The following ROCK2 variants were observed in gnomAD, a reference collection of about 807,000 sequenced individuals.
The protein encoded by ROCK2 is rho-associated protein kinase 2.
A neutral mutation model predicts 195.1 loss-of-function variants in ROCK2; 61 were observed. That is an observed-to-expected ratio of 0.31 (90% CI 0.25 to 0.39). ROCK2 has a LOEUF of 0.39. Ranked by LOEUF, ROCK2 falls within the 10% of genes least tolerant of loss-of-function variation. The probability of loss-of-function intolerance (pLI) is 1.00; values close to 1 mark genes in which losing one functional copy is unlikely to be tolerated. For synonymous variants in ROCK2, 504 were observed against 545.5 expected, an observed-to-expected ratio of 0.92 and a Z score of 1.06; for missense variants, 1,109 against 1,637.4, an observed-to-expected ratio of 0.68 and a Z score of 5.57.
In ROCK2 at chr2:11,220,013, TTTGTTGTTGTTG is replaced by T. The variant is rs146777252; in HGVS notation, c.1260-999_1260-988del. On this transcript the variant is annotated intron_variant, in intron 9 of 32. Coordinates refer to ENST00000315872, the MANE Select transcript of ROCK2 (RefSeq NM_004850.5). ...GGCGCAAACCACCACATCTGGCTTT[TTTGTTGTTGTTG>T]TTGTTGTTGAGATGGAGTTTCGCTC... 1.6e-4 allele frequency among the ~76,000 whole-genome samples: 24 copies of T among 151,732 alleles called. 1 individual carries two copies. The highest frequency in any genetic ancestry group is 3.3e-4 in the Admixed American group (5 of 15,246).
intron 3 of ROCK2, among the ~76,000 whole-genome samples, chr2:11,264,063 A>G (rs1666332671): frequency 6.6e-6 from 1 of 152,110 alleles, no homozygotes; most frequent in Non-Finnish European, 1.5e-5. Context: ...GGAGTAATAC[A>G]TGAGAACGCA....
At position 11,201,239 on chromosome 2, in the gene ROCK2, G is replaced by A. The variant is rs1047104966; in HGVS notation, c.2723+71C>T. The A allele has an allele frequency of 1.5e-5, 22 of 1,510,842 alleles. No individual in the cohort carries two copies. Among genetic ancestry groups the A allele is most frequent in the Admixed American group, 3.7e-5 (2 of 53,688 alleles). 93.6% of individuals were successfully genotyped at this position (1,510,842 alleles called of 1,614,324 possible). A position where few individuals can be genotyped will look rare whatever the true frequency, so the allele number is the denominator to read the frequency against. On this transcript the variant is annotated intron_variant, in intron 22 of 32. Coordinates refer to ENST00000315872, the MANE Select transcript of ROCK2 (RefSeq NM_004850.5). The surrounding 1 kb of genome is among the most constrained non-coding windows in gnomAD (Gnocchi z 4.6). ...CTTCATCAATAATTTTTTATTTGGT[G>A]ATTACCAGGCATTGTTCTAGGAGCA... is the stretch of plus-strand genomic sequence containing the variant.
chr2:11,196,011 T>C (rs1663621354), intron 27 of ROCK2, among the ~76,000 whole-genome samples: 1 of 152,226 alleles, frequency 6.6e-6, no homozygotes, highest in Admixed American at 6.5e-5. Context: ...GGGGAAGTTA[T>C]TCTAATAGTA....
At chr2:11,296,052 A>AGAGAGAGAGAGAG (rs1558370127) in intron 1 of ROCK2, among the ~76,000 whole-genome samples, 12 of 47,878 alleles carry the variant, frequency 2.5e-4, no homozygotes, top group Non-Finnish European at 3.8e-4. Flanking sequence ...GAGAGAGAGA[A>AGAGAGAGAGAGAG]AACAAAGGGT....
intron 3 of ROCK2, 147 bp downstream of exon 3, chr2:11,286,392 C>T (rs553424283): frequency 5.1e-5 from 29 of 564,408 alleles, no homozygotes; most frequent in East Asian, 4.6e-4. Context: ...CAAAGGCTTC[C>T]TTTTATAGAT....
intron 3 of ROCK2, among the ~76,000 whole-genome samples, chr2:11,281,513 C>T (rs569233335): frequency 3.3e-5 from 5 of 152,124 alleles, no homozygotes; most frequent in African/African-American, 1.2e-4. Context: ...TACCAAGTTG[C>T]AAGACAGAAG....
chr2:11,343,846 C>T, intron 1 of ROCK2, 150 bp downstream of exon 1: 1 of 927,684 alleles, frequency 1.1e-6, no homozygotes, highest in Non-Finnish European at 1.5e-6. Flanking sequence ...GTGACAGAAT[C>T]GTTTGGTCTC....
At chr2:11,308,620 C>T (rs1667937226) in intron 1 of ROCK2, 1 of 1,461,290 alleles carries the variant, frequency 6.8e-7, no homozygotes, top group Admixed American at 1.7e-5. Context: ...ATGGCATAGA[C>T]TTAACTCCTG....
chr2:11,294,687 TAC>T (rs1667458619), intron 1 of ROCK2, among the ~76,000 whole-genome samples: 1 of 152,200 alleles, frequency 6.6e-6, no homozygotes, highest in Non-Finnish European at 1.5e-5. Flanking sequence ...CATAATGTAA[TAC>T]ATTGTTTTAT....
intron 3 of ROCK2, among the ~76,000 whole-genome samples, chr2:11,250,988 C>CT (rs1665810826): frequency 6.6e-6 from 1 of 152,164 alleles, no homozygotes; most frequent in African/African-American, 2.4e-5. Flanking sequence ...CAATCCCTCA[C>CT]TTCCTTAAAT....
intron 1 of ROCK2, among the ~76,000 whole-genome samples, chr2:11,298,846 G>A (rs1667618236): frequency 6.6e-6 from 1 of 152,010 alleles, no homozygotes. Flanking sequence ...AATCTGAGAT[G>A]GAATTAAAGG....
chr2:11,324,362 T>C (rs145744867), intron 1 of ROCK2, among the ~76,000 whole-genome samples: 10,299 of 152,076 alleles, frequency 0.068, 481 homozygotes, highest in African/African-American at 0.13. Flanking sequence ...GAGGCGGAGG[T>C]TGCAGTGAGC....
Position 11,222,127 on chromosome 2 carries a change from G to A in ROCK2, c.1055C>T (p.Pro352Leu), listed in dbSNP as rs1426693555. Residue 352 changes from proline to leucine, a missense_variant, in exon 8 of 33, where the codon CCT (proline) becomes CTT (leucine). Physicochemically the swap from Pro to Leu is moderately conservative, Grantham distance 98. Around this residue, in one of 6 missense-constraint regions of ROCK2, gnomAD observed 253 missense variants for 455.5 expected, o/e 0.56. Coordinates refer to ENST00000315872, the MANE Select transcript of ROCK2 (RefSeq NM_004850.5). ...RNGVEEIRQH[P>L]FFKNDQWHWD... ...ATGCCACTGATCATTCTTAAAGAAA[G>A]GATGCTGTCTGATTTCTTCCACCCC... is the stretch of plus-strand genomic sequence containing the variant. 1 of 1,611,272 alleles carries A rather than the reference G, an allele frequency of 6.2e-7. No individual in the cohort carries two copies. The highest frequency in any genetic ancestry group is 1.7e-5 in the Admixed American group (1 of 59,994).
At chr2:11,302,375 A>G (rs1434971058) in intron 1 of ROCK2, among the ~76,000 whole-genome samples, 1 of 151,380 alleles carries the variant, frequency 6.6e-6, no homozygotes, top group Non-Finnish European at 1.5e-5. Context: ...GCTGGAGTGC[A>G]GTGGTATGGT....
intron 1 of ROCK2, among the ~76,000 whole-genome samples, chr2:11,330,298 T>G (rs947907170): frequency 1.4e-3 from 218 of 152,316 alleles, no homozygotes; most frequent in African/African-American, 5.0e-3. Flanking sequence ...ACTTTTATTA[T>G]ATGTCACTCT....
chr2:11,245,664 A>C (rs1347613879), intron 4 of ROCK2, among the ~76,000 whole-genome samples: 1 of 152,172 alleles, frequency 6.6e-6, no homozygotes. Context: ...AAGAGCAGCA[A>C]ATGTTTAAGA....
chr2:11,284,944 A>G (rs1667132545), intron 3 of ROCK2, among the ~76,000 whole-genome samples: 1 of 152,124 alleles, frequency 6.6e-6, no homozygotes, highest in Non-Finnish European at 1.5e-5. Context: ...ACGTGCTACC[A>G]TTGCTCCCAA....
At chr2:11,231,610 A>T (rs1665013586) in intron 5 of ROCK2, among the ~76,000 whole-genome samples, 1 of 152,240 alleles carries the variant, frequency 6.6e-6, no homozygotes, top group Non-Finnish European at 1.5e-5. Flanking sequence ...ACATAGCAGT[A>T]GCTCTCAACT....
At chr2:11,294,048 T>C (rs1443781825) in intron 1 of ROCK2, among the ~76,000 whole-genome samples, 1 of 151,938 alleles carries the variant, frequency 6.6e-6, no homozygotes, top group Admixed American at 6.6e-5. Flanking sequence ...TCCCAGCTAC[T>C]TGGAAGGCTG....
Sources: allele counts gnomAD v4.1 joint callset (sites outside exome capture counted in the v4.1 genomes callset), GRCh38; gene constraint gnomAD v4.1.1; regional missense constraint gnomAD v4.1.1; non-coding constraint Gnocchi (gnomAD v3.1); transcripts MANE v1.5; gene names NCBI Gene and HGNC (gene_info 2026-07-23, HGNC 2026-07-21).